The following ADCY5 variants were observed in gnomAD, a reference collection of about 807,000 sequenced individuals.
The protein encoded by ADCY5 is adenylate cyclase type 5.
Under a neutral mutation model 119.7 loss-of-function variants are expected in ADCY5, and 30 were observed. That is an observed-to-expected ratio of 0.25 (90% CI 0.19 to 0.34). The LOEUF (loss-of-function observed/expected upper bound fraction) is 0.34. ADCY5 is among the 10% of genes least tolerant of loss of function. ADCY5 has a pLI of 1.00. For synonymous variants in ADCY5, 753 were observed against 762.2 expected, an observed-to-expected ratio of 0.99 and a Z score of 0.20; for missense variants, 1,324 against 1,775.2, an observed-to-expected ratio of 0.75 and a Z score of 4.57.
chr3:123,370,118 A>G (rs529554655), intron 1 of ADCY5, among the ~76,000 whole-genome samples: 1 of 152,314 alleles, frequency 6.6e-6, no homozygotes, highest in East Asian at 1.9e-4. Context: ...AGAAGACTAT[A>G]AAAACAGCCA....
chr3:123,421,092 A>T (rs530668890), intron 1 of ADCY5, among the ~76,000 whole-genome samples: 2 of 152,214 alleles, frequency 1.3e-5, no homozygotes, highest in Non-Finnish European at 2.9e-5. Flanking sequence ...CTATTTTCAA[A>T]TAAGTCATAG....
intron 1 of ADCY5, among the ~76,000 whole-genome samples, chr3:123,396,532 A>G (rs944567779): frequency 4.0e-4 from 55 of 137,894 alleles, no homozygotes; most frequent in African/African-American, 1.5e-3. Context: ...AGAGAGAAAG[A>G]AAAGAAAGAA....
At chr3:123,420,959 A>C (rs1945291733) in intron 1 of ADCY5, among the ~76,000 whole-genome samples, 1 of 152,082 alleles carries the variant, frequency 6.6e-6, no homozygotes, top group African/African-American at 2.4e-5. Context: ...CCCTGTCTTC[A>C]GGTCATCTTG....
chr3:123,297,325 C>A (rs1192578432), intron 16 of ADCY5, 28 bp downstream of exon 16: 1 of 1,612,204 alleles, frequency 6.2e-7, no homozygotes, highest in East Asian at 2.2e-5. Flanking sequence ...GGGCAGGGAG[C>A]GACCCTATCC....
chr3:123,334,762 AAATT>A (rs1941945169), intron 3 of ADCY5, among the ~76,000 whole-genome samples: 1 of 152,156 alleles, frequency 6.6e-6, no homozygotes, highest in Non-Finnish European at 1.5e-5. Context: ...ATAAATAAAT[AAATT>A]AAATATTGAC....
chr3:123,445,900 T>C (rs908899554), intron 1 of ADCY5, among the ~76,000 whole-genome samples: 11 of 152,142 alleles, frequency 7.2e-5, no homozygotes, highest in African/African-American at 2.7e-4. Context: ...GCAAAACAAG[T>C]GGACACTGGA....
chr3:123,373,715 C>A (rs1009743400), intron 1 of ADCY5, among the ~76,000 whole-genome samples: 3 of 149,534 alleles, frequency 2.0e-5, no homozygotes, highest in Admixed American at 6.8e-5. Flanking sequence ...ATCACCGACA[C>A]TTGCTGAGCT....
chr3:123,319,034 G>A (rs560516702), intron 10 of ADCY5, among the ~76,000 whole-genome samples: 9 of 152,248 alleles, frequency 5.9e-5, no homozygotes, highest in East Asian at 3.9e-4. Context: ...TGCACCGAAC[G>A]CCTACTATGC....
At chr3:123,438,786 G>A (rs939604060) in intron 1 of ADCY5, among the ~76,000 whole-genome samples, 2 of 152,018 alleles carry the variant, frequency 1.3e-5, no homozygotes, top group Non-Finnish European at 2.9e-5. Context: ...TCACTTTGCT[G>A]CCCAGACTGG....
At chr3:123,389,092 G>T (rs1187604094) in intron 1 of ADCY5, among the ~76,000 whole-genome samples, 1 of 152,170 alleles carries the variant, frequency 6.6e-6, no homozygotes, top group Non-Finnish European at 1.5e-5. Context: ...AATGCCTTGG[G>T]CAGGAGAAGG....
In ADCY5 at chr3:123,447,706, C is replaced by T; in HGVS notation, c.840G>A (p.Val280=). The change falls in exon 1 of 21, where the codon GTG becomes GTA. Residue 280 remains valine (V), a synonymous_variant. Coordinates refer to ENST00000462833, the MANE Select transcript of ADCY5 (RefSeq NM_183357.3). ...TGCAAAGCACAGCCATGATGAGGAT[C>T]ACGCCGACGGCGGCCGCCAGCACGG... ...YLAVLAAAVG[V]ILIMAVLCNR... 6.2e-7 allele frequency: 1 copy of T among 1,600,638 alleles called. No homozygotes were observed. Among genetic ancestry groups the T allele is most frequent in the South Asian group, 1.1e-5 (1 of 89,780 alleles).
At position 123,442,950 on chromosome 3, in the gene ADCY5, T is replaced by A. The variant is rs73856619; in HGVS notation, c.1134+4462A>T. Among the ~76,000 whole-genome samples the A allele has an allele frequency of 1.4e-3, 216 of 152,306 alleles. 2 individuals are homozygous for A. The highest frequency in any genetic ancestry group is 5.1e-3 in the African/African-American group (213 of 41,568). On this transcript the variant is annotated intron_variant, in intron 1 of 20. Transcript: ENST00000462833. Reference sequence around the variant, plus strand: ...CCCCAACCCCAGCCTGCTGCTGCGCTGGGGTTGAGCCTGCTGCTGAAGTTC... The same window carrying A: ...CCCCAACCCCAGCCTGCTGCTGCGCAGGGGTTGAGCCTGCTGCTGAAGTTC...
chr3:123,433,568 C>T (rs1035644909), intron 1 of ADCY5, among the ~76,000 whole-genome samples: 6 of 152,240 alleles, frequency 3.9e-5, no homozygotes, highest in African/African-American at 1.2e-4. Context: ...ATCTGAAACA[C>T]AGCTAAAGGA....
chr3:123,358,155 C>CGTGTGTGTGTGTGT (rs6148049), intron 1 of ADCY5, among the ~76,000 whole-genome samples: 2,673 of 140,870 alleles, frequency 0.019, 57 homozygotes, highest in East Asian at 0.036. Flanking sequence ...ACATGGAACA[C>CGTGTGTGTGTGTGT]GTGTGTGTGT....
intron 1 of ADCY5, among the ~76,000 whole-genome samples, chr3:123,392,732 GTCTCCC>G (rs1284309103): frequency 2.0e-5 from 3 of 151,648 alleles, no homozygotes; most frequent in Non-Finnish European, 2.9e-5. Flanking sequence ...CTGCCTCTCT[GTCTCCC>G]TCTCCCTCTC....
intron 17 of ADCY5, among the ~76,000 whole-genome samples, 156 bp from the exon 18 acceptor site, chr3:123,291,532 C>T (rs1939150945): frequency 6.6e-6 from 1 of 152,240 alleles, no homozygotes; most frequent in Non-Finnish European, 1.5e-5. Flanking sequence ...CTCTCCTCCT[C>T]TCTCTGCTGT....
At chr3:123,300,597 C>T (rs561043610) in intron 14 of ADCY5, among the ~76,000 whole-genome samples, 15 of 152,314 alleles carry the variant, frequency 9.8e-5, no homozygotes, top group African/African-American at 3.4e-4. Flanking sequence ...CCTCGGGCTG[C>T]GTGCTCAGCC....
chr3:123,441,073 C>G (rs1176082138), intron 1 of ADCY5, among the ~76,000 whole-genome samples: 1 of 152,168 alleles, frequency 6.6e-6, no homozygotes, highest in Non-Finnish European at 1.5e-5. Flanking sequence ...GCCACTGTTG[C>G]AAGACACTGA....
At position 123,352,922 on chromosome 3, in the gene ADCY5, G is replaced by A. The variant is rs1200953323; in HGVS notation, c.1135-341C>T. Among the ~76,000 whole-genome samples the A allele has an allele frequency of 6.6e-6, 1 of 152,200 alleles. No homozygotes were observed. The highest frequency in any genetic ancestry group is 1.9e-4 in the East Asian group (1 of 5,194). On this transcript the variant is annotated intron_variant, in intron 1 of 20. Transcript: ENST00000462833. The surrounding 1 kb of genome is among the most constrained non-coding windows in gnomAD (Gnocchi z 4.8). ...GTGTGCTCGGGGCAGGAGGGCCACT[G>A]CAAGGAAGGTGCCACAAGGGTGCTG...
Sources: allele counts gnomAD v4.1 joint callset (sites outside exome capture counted in the v4.1 genomes callset), GRCh38; gene constraint gnomAD v4.1.1; non-coding constraint Gnocchi (gnomAD v3.1); transcripts MANE v1.5; gene names NCBI Gene and HGNC (gene_info 2026-07-23, HGNC 2026-07-21).